The following SLITRK3 variants were observed in gnomAD, a reference collection of about 807,000 sequenced individuals.
The protein encoded by SLITRK3 is SLIT and NTRK-like protein 3.
A neutral mutation model predicts 63.6 loss-of-function variants in SLITRK3; 16 were observed. That is an observed-to-expected ratio of 0.25 (90% confidence interval 0.17 to 0.38). The LOEUF is 0.38. Among genes scored for constraint, SLITRK3 ranks in the 10% least tolerant of loss-of-function variants. The pLI is 1.00. For missense variants in SLITRK3, 1,117 were observed against 1,181.4 expected (o/e 0.95, Z 0.80); for synonymous variants, 547 against 451.6 (o/e 1.21, Z -2.68).
Position 165,188,558 on chromosome 3 carries a change from G to A in SLITRK3, c.2273C>T (p.Pro758Leu). The part of the protein sequence containing the change: ...TQMCNNPIYK[P>L]REEEEVAVSS... The stretch of plus-strand genomic sequence containing the variant: ...AACAGCCACCTCCTCCTCCTCACGA[G>A]GCTTGTAGATGGGGTTGTTGCACAT... The change falls in exon 2 of 2, where the codon CCT (proline) becomes CTT (leucine). Residue 758 changes from proline (P) to leucine (L), a missense_variant. Pro to Leu is a moderately conservative substitution (Grantham distance 98). This residue lies in a region of SLITRK3 where 499 missense variants were observed against 463.6 expected (regional missense o/e 1.08). Transcript: ENST00000475390. The A allele has an allele frequency of 1.9e-6, 3 of 1,614,044 alleles. No individual in the cohort carries two copies. Among genetic ancestry groups the A allele is most frequent in the Non-Finnish European group, 2.5e-6 (3 of 1,180,018 alleles).
Position 165,187,859 on chromosome 3 carries a change from T to C in SLITRK3, c.*38A>G, listed in dbSNP as rs1200663183. 1 of 1,454,838 alleles carries C rather than the reference T, an allele frequency of 6.9e-7. No homozygotes were observed. The highest frequency in any genetic ancestry group is 9.3e-7 in the Non-Finnish European group (1 of 1,070,640). The allele number at this position is 1,454,838 out of a possible 1,614,324, so 90.1% of individuals were successfully genotyped here. A position where few individuals can be genotyped will look rare whatever the true frequency, so the allele number is the denominator to read the frequency against. ...TATTTCTTTTATTTTCCTTTTCTTTTGAAAAAAAAAAAGCACTAATATATT... is the reference window on the plus strand; with the variant it reads ...TATTTCTTTTATTTTCCTTTTCTTTCGAAAAAAAAAAAGCACTAATATATT... On this transcript the variant is annotated 3_prime_UTR_variant, in exon 2 of 2. Transcript: ENST00000475390.
chr3:165,196,741 C>T (rs1453964395), upstream of SLITRK3: 1 of 152,200 alleles, frequency 6.6e-6, no homozygotes, highest in African/African-American at 2.4e-5. Context: ...CAGCCCATCG[C>T]CGGAGCTCCG....
Position 165,190,555 on chromosome 3 carries a change from T to C in SLITRK3, c.276A>G (p.Leu92=), listed in dbSNP as rs754365398. The change falls in exon 2 of 2, where the codon TTA becomes TTG. Residue 92 remains leucine (L), a synonymous_variant. Transcript: ENST00000475390. ...TCAAATGAAGAAAACTGTTGGTATA[T>C]AATTTCCTCATAGAATTCCTCTGCA... ...LYLQRNSMRK[L]YTNSFLHLNN... 9 of 1,613,942 alleles carry C rather than the reference T, an allele frequency of 5.6e-6. No individual in the cohort carries two copies. In the South Asian group the frequency reaches 8.8e-5, roughly 16 times the overall value.
chr3:165,189,056 C>T lies in SLITRK3; in HGVS notation c.1775G>A (p.Arg592Lys), dbSNP rs200913740. 3.1e-6 allele frequency: 5 copies of T among 1,614,178 alleles called. No individual in the cohort carries two copies. The East Asian group carries it at 8.9e-5, about 29-fold the overall frequency. ...SVSVVGDVLC[R>K]SPENLTHRDV... is the part of the protein sequence containing the mutation. Reference sequence around the variant, plus strand: ...ACGGTGCGTGAGGTTCTCAGGGCTCCTGCAAAGCACATCACCAACCACACT... The same window carrying T: ...ACGGTGCGTGAGGTTCTCAGGGCTCTTGCAAAGCACATCACCAACCACACT... The change falls in exon 2 of 2, where the codon AGG becomes AAG. Residue 592 changes from arginine to lysine, a missense_variant. Coordinates refer to ENST00000475390, the MANE Select transcript of SLITRK3 (RefSeq NM_001318810.2). The surrounding 1 kb of genome is among the most constrained non-coding windows in gnomAD (Gnocchi z 4.0).
rs1717969041 is a variant in SLITRK3, at chr3:165,186,756, A to G, written c.*1141T>C. The G allele has an allele frequency of 6.6e-6, 1 of 152,634 alleles. No individual in the cohort carries two copies. The highest frequency in any genetic ancestry group is 6.5e-5 in the Admixed American group (1 of 15,276). 9.5% of individuals were successfully genotyped at this position (152,634 alleles called of 1,614,324 possible). ...AAAAACTTTTTATTAGGAAAGCTAT[A>G]CCAGAGGCATAATCACTATACAATG... On this transcript the variant is annotated 3_prime_UTR_variant, in exon 2 of 2. Coordinates refer to ENST00000475390, the MANE Select transcript of SLITRK3 (RefSeq NM_001318810.2).
At chr3:165,193,387 A>G (rs531524034) in intron 1 of SLITRK3, among the ~76,000 whole-genome samples, 3 of 151,794 alleles carry the variant, frequency 2.0e-5, no homozygotes, top group African/African-American at 7.3e-5. Context: ...TCTCTAGTGC[A>G]GGTGGTTTGA....
chr3:165,192,536 AATTT>A (rs748447812), intron 1 of SLITRK3, among the ~76,000 whole-genome samples: 81 of 151,444 alleles, frequency 5.3e-4, no homozygotes, highest in African/African-American at 1.6e-3. Flanking sequence ...GTTTTTTTGT[AATTT>A]ATTTATTTAT....
In SLITRK3 at chr3:165,187,764, A is replaced by T; in HGVS notation, c.*133T>A. 1.5e-6 allele frequency: 1 copy of T among 678,072 alleles called. No individual in the cohort carries two copies. The highest frequency in any genetic ancestry group is 2.5e-6 in the Non-Finnish European group (1 of 407,700). 42.0% of individuals were successfully genotyped at this position (678,072 alleles called of 1,614,324 possible). ...TATTCTCTAGTTATCATGCGGTTTT[A>T]GTTTTGTTCAGGGTAGGAAAGATCG... On this transcript the variant is annotated 3_prime_UTR_variant, in exon 2 of 2. Transcript: ENST00000475390.
In SLITRK3 at chr3:165,189,254, C is replaced by T; in HGVS notation, c.1577G>A (p.Gly526Asp). ...LRTLPTDAFA[G>D]TSLARLNLRK... ...CAGGTTGAGCCGGGCCAGGGATGTG[C>T]CAGCAAAGGCGTCTGTTGGCAGAGT... The change falls in exon 2 of 2, where the codon GGC (glycine) becomes GAC (aspartate). Residue 526 changes from glycine to aspartate, a missense_variant. Gly to Asp is a moderately conservative substitution (Grantham distance 94, BLOSUM62 -1). This residue lies in a region of SLITRK3 where 158 missense variants were observed against 197.2 expected (regional missense o/e 0.80). Coordinates refer to ENST00000475390, the MANE Select transcript of SLITRK3 (RefSeq NM_001318810.2). This position sits in a 1 kb window ranked among gnomAD's most constrained non-coding sequence, Gnocchi z 4.0. 1 of 1,614,160 alleles carries T rather than the reference C, an allele frequency of 6.2e-7. No homozygotes were observed. Among genetic ancestry groups the T allele is most frequent in the Non-Finnish European group, 8.5e-7 (1 of 1,180,030 alleles).
Position 165,188,271 on chromosome 3 carries a change from C to A in SLITRK3, c.2560G>T (p.Gly854Trp). The A allele has an allele frequency of 2.5e-6, 4 of 1,613,764 alleles. No individual in the cohort carries two copies. Among genetic ancestry groups the A allele is most frequent in the Non-Finnish European group, 3.4e-6 (4 of 1,179,884 alleles). Residue 854 changes from glycine to tryptophan, a missense_variant, in exon 2 of 2, where the codon GGG becomes TGG. This residue lies in a region of SLITRK3 where 499 missense variants were observed against 463.6 expected (regional missense o/e 1.08). Transcript: ENST00000475390. ...GGVSGVVGGT[G>W]GDLAGFRHHE... ...TGGCGGAACCCTGCCAAGTCTCCCC[C>A]AGTTCCCCCAACTACTCCTGAAACC...
rs1718111815 is a variant in SLITRK3 at position 165,189,786 on chromosome 3, G to T, written c.1045C>A (p.Gln349Lys). 1.2e-6 allele frequency: 2 copies of T among 1,614,164 alleles called. No homozygotes were observed. Among genetic ancestry groups the T allele is most frequent in the Non-Finnish European group, 1.7e-6 (2 of 1,180,024 alleles). The change falls in exon 2 of 2, where the codon CAA (glutamine) becomes AAA (lysine). Residue 349 changes from glutamine (Q) to lysine (K), a missense_variant. Physicochemically the swap from Gln to Lys is moderately conservative, Grantham distance 53. Transcript: ENST00000475390. The surrounding 1 kb of genome is among the most constrained non-coding windows in gnomAD (Gnocchi z 4.0). ...TGGTTTGGACCAGGATATAAAGCTT[G>T]GGAGGTGGAGGGTGGCCTTGGTGTT... ...PRTPRPPSTS[Q>K]ALYPGPNQPP...
At chr3:165,191,561 A>G (rs1357887946) in intron 1 of SLITRK3, among the ~76,000 whole-genome samples, 1 of 152,228 alleles carries the variant, frequency 6.6e-6, no homozygotes, top group African/African-American at 2.4e-5. Context: ...AATTTAATAA[A>G]TAATTTGTAT....
Position 165,189,012 on chromosome 3 carries a change from G to C in SLITRK3, c.1819C>G (p.Leu607Val), listed in dbSNP as rs1464633032. ...LTHRDVRTIE[L>V]EVLCPEMLHV... ...AGCATCTCTGGGCAAAGAACTTCCA[G>C]CTCAATAGTGCGCACATCACGGTGC... is the stretch of plus-strand genomic sequence containing the variant. The change falls in exon 2 of 2, where the codon CTG becomes GTG. Residue 607 changes from leucine to valine, a missense_variant. By Grantham distance (32) the Leu-to-Val change is conservative. Transcript: ENST00000475390. The surrounding 1 kb of genome is among the most constrained non-coding windows in gnomAD (Gnocchi z 4.0). The C allele has an allele frequency of 3.1e-6, 5 of 1,614,056 alleles. No individual in the cohort carries two copies. Among genetic ancestry groups the C allele is most frequent in the Non-Finnish European group, 4.2e-6 (5 of 1,180,048 alleles).
rs770151834 is a variant in SLITRK3, at chr3:165,187,866, A to T, written c.*31T>A. On this transcript the variant is annotated 3_prime_UTR_variant, in exon 2 of 2. Transcript: ENST00000475390. ...TTTATTTTCCTTTTCTTTTGAAAAA[A>T]AAAAAGCACTAATATATTTTCTTCT... 2 of 1,523,078 alleles carry T rather than the reference A, an allele frequency of 1.3e-6. No individual in the cohort carries two copies. The highest frequency in any genetic ancestry group is 2.3e-5 in the East Asian group (1 of 44,242). 94.3% of individuals were successfully genotyped at this position (1,523,078 alleles called of 1,614,324 possible). A position where few individuals can be genotyped will look rare whatever the true frequency, so the allele number is the denominator to read the frequency against.
Position 165,190,823 on chromosome 3 carries a change from G to T in SLITRK3, c.8C>A (p.Pro3His). Residue 3 changes from proline to histidine, a missense_variant, in exon 2 of 2, where the codon CCT becomes CAT. By Grantham distance (77) the Pro-to-His change is moderately conservative. Coordinates refer to ENST00000475390, the MANE Select transcript of SLITRK3 (RefSeq NM_001318810.2). MK[P>H]SIAEMLHRGR... ...TCTGTGAAGCATCTCAGCTATGGAA[G>T]GTTTCATCGTTCGTGGTTGATTACA... 6.4e-7 allele frequency: 1 copy of T among 1,572,322 alleles called. No homozygotes were observed. Among genetic ancestry groups the T allele is most frequent in the Non-Finnish European group, 8.6e-7 (1 of 1,161,562 alleles).
At chr3:165,196,897 G>GTCTCTCTCTCTGTCTCTCTCTCTC (rs1718450974), upstream of SLITRK3, 13 of 96,526 alleles carry the variant, frequency 1.3e-4, no homozygotes, top group African/African-American at 4.4e-4. Context: ...CTCTCTCTCT[G>GTCTCTCTCTCTGTCTCTCTCTCTC]TCTCTCTCTC....
At chr3:165,196,491 C>CGCGGCG (rs1042846744), upstream of SLITRK3, 3 of 154,766 alleles carry the variant, frequency 1.9e-5, 1 homozygote, top group Non-Finnish European at 2.9e-5. Flanking sequence ...AGGAGACGCT[C>CGCGGCG]GCGGCGGCGG....
Position 165,190,547 on chromosome 3 carries a change from T to G in SLITRK3, c.284A>C (p.Asn95Thr). 6.2e-7 allele frequency: 1 copy of G among 1,613,924 alleles called. No homozygotes were observed. Among genetic ancestry groups the G allele is most frequent in the Non-Finnish European group, 8.5e-7 (1 of 1,179,980 alleles). Residue 95 changes from asparagine to threonine, a missense_variant, in exon 2 of 2, where the codon AAC becomes ACC. Coordinates refer to ENST00000475390, the MANE Select transcript of SLITRK3 (RefSeq NM_001318810.2). ...QRNSMRKLYT[N>T]SFLHLNNAVS... ...AGCATTATTCAAATGAAGAAAACTG[T>G]TGGTATATAATTTCCTCATAGAATT...
rs756691720 is a variant in SLITRK3, at chr3:165,190,417, A to T, written c.414T>A (p.Asp138Glu). Residue 138 changes from aspartate to glutamate, a missense_variant, in exon 2 of 2, where the codon GAT becomes GAA. Asp to Glu is a conservative substitution (Grantham distance 45). Coordinates refer to ENST00000475390, the MANE Select transcript of SLITRK3 (RefSeq NM_001318810.2). Reference protein sequence around the residue: ...KRLYLHENKLDVFRNDTFLGL... With the variant: ...KRLYLHENKLEVFRNDTFLGL... ...CAAGGAAGGTGTCATTTCTGAAGAC[A>T]TCTAGTTTGTTTTCATGTAGATATA... The T allele has an allele frequency of 8.1e-6, 13 of 1,613,812 alleles. No homozygotes were observed. In the Admixed American group the frequency reaches 2.2e-4, roughly 27 times the overall value.
Sources: gnomAD v4.1 joint callset for allele counts (sites outside exome capture counted in the v4.1 genomes callset) on GRCh38, gnomAD v4.1.1 for gene constraint, gnomAD v4.1.1 regional missense constraint, Gnocchi (gnomAD v3.1) non-coding constraint, MANE v1.5 for transcripts, NCBI Gene and HGNC (gene_info 2026-07-23, HGNC 2026-07-21) for gene names.